The following RANBP9 variants were observed in gnomAD, a reference collection of about 807,000 sequenced individuals.
The protein encoded by RANBP9 is RAN binding protein 9.
A neutral mutation model predicts 84.3 loss-of-function variants in RANBP9; 15 were observed. The ratio of observed to expected loss-of-function variants is 0.18; its 90% CI spans 0.12 to 0.27. The LOEUF (loss-of-function observed/expected upper bound fraction) is 0.27. Ranked by LOEUF, RANBP9 falls within the 10% of genes least tolerant of loss-of-function variation. RANBP9 has a pLI of 1.00. For synonymous variants in RANBP9, 392 were observed against 349.6 expected, an observed-to-expected ratio of 1.12 and a Z score of -1.35; for missense variants, 809 against 912.8, an observed-to-expected ratio of 0.89 and a Z score of 1.46.
intron 2 of RANBP9, among the ~76,000 whole-genome samples, chr6:13,679,670 G>A (rs1765983518): frequency 1.3e-5 from 2 of 151,968 alleles, no homozygotes; most frequent in South Asian, 4.1e-4. Context: ...ATCCCTATAA[G>A]ATTAATAAAT....
chr6:13,641,908 T>G (rs1225007008), intron 7 of RANBP9, among the ~76,000 whole-genome samples: 1 of 152,188 alleles, frequency 6.6e-6, no homozygotes, highest in African/African-American at 2.4e-5. Flanking sequence ...CCCATCTATT[T>G]TGTTTTCATC....
At chr6:13,689,112 G>A (rs1766265580) in intron 2 of RANBP9, among the ~76,000 whole-genome samples, 1 of 151,670 alleles carries the variant, frequency 6.6e-6, no homozygotes. Flanking sequence ...AGCCTTGATT[G>A]TGCCACTGTA....
intron 7 of RANBP9, among the ~76,000 whole-genome samples, chr6:13,641,725 C>T (rs1223742730): frequency 6.6e-6 from 1 of 152,050 alleles, no homozygotes; most frequent in East Asian, 1.9e-4. Flanking sequence ...TTCACTTGAT[C>T]TGTTATATGT....
chr6:13,703,163 C>G (rs1043786010), intron 1 of RANBP9, among the ~76,000 whole-genome samples: 1 of 152,184 alleles, frequency 6.6e-6, no homozygotes, highest in African/African-American at 2.4e-5. Context: ...CAGGTGTGAG[C>G]CACTGCACCC....
chr6:13,634,999 G>A (rs984762459), intron 10 of RANBP9, among the ~76,000 whole-genome samples: 6 of 151,976 alleles, frequency 3.9e-5, no homozygotes, highest in Non-Finnish European at 8.8e-5. Context: ...CCTGGAACCC[G>A]CTTCACCTCG....
Position 13,711,242 on chromosome 6 carries a change from G to T in RANBP9, c.264C>A (p.Pro88=). Residue 88 remains proline (P), a synonymous_variant, in exon 1 of 14, where the codon CCC becomes CCA. Coordinates refer to ENST00000011619, the MANE Select transcript of RANBP9 (RefSeq NM_005493.3). The stretch of plus-strand genomic sequence containing the variant: ...CAGCCGCTGAGGCAGGGGGAGGCGG[G>T]GGCGGCGGCGGGGGCGGCGGGGCCG... ...ATAAPPPPPP[P]PPPPASAAAP... The T allele has an allele frequency of 1.0e-6, 1 of 983,148 alleles. No homozygotes were observed. Among genetic ancestry groups the T allele is most frequent in the South Asian group, 4.6e-5 (1 of 21,934 alleles). The allele number at this position is 983,148 out of a possible 1,614,324, so 60.9% of individuals were successfully genotyped here. A position where few individuals can be genotyped will look rare whatever the true frequency, so the allele number is the denominator to read the frequency against.
chr6:13,636,632 TACTTA>T (rs1423296474), intron 10 of RANBP9, among the ~76,000 whole-genome samples: 2 of 152,352 alleles, frequency 1.3e-5, no homozygotes, highest in African/African-American at 2.4e-5. Context: ...CATGATGAAG[TACTTA>T]ACTTTTTACA....
intron 5 of RANBP9, 67 bp downstream of exon 5, chr6:13,652,592 C>A: frequency 7.3e-7 from 1 of 1,364,042 alleles, no homozygotes; most frequent in South Asian, 1.3e-5. Flanking sequence ...TCTAAATATG[C>A]CCAGTATCAG....
chr6:13,694,686 T>C (rs1766401031), intron 2 of RANBP9, among the ~76,000 whole-genome samples: 1 of 152,218 alleles, frequency 6.6e-6, no homozygotes, highest in Non-Finnish European at 1.5e-5. Flanking sequence ...TTAAACTGCA[T>C]GCCATTCTGA....
chr6:13,648,527 A>G (rs1210484212), intron 5 of RANBP9, among the ~76,000 whole-genome samples: 1 of 152,200 alleles, frequency 6.6e-6, no homozygotes, highest in African/African-American at 2.4e-5. Flanking sequence ...AATGTCTTCT[A>G]GAAAAATACT....
chr6:13,663,359 C>G (rs940506121), intron 2 of RANBP9, among the ~76,000 whole-genome samples: 1 of 151,956 alleles, frequency 6.6e-6, no homozygotes, highest in African/African-American at 2.4e-5. Context: ...AAAAGTGAAA[C>G]AAACACATTT....
At chr6:13,624,056 GTTACTT>G (rs1764532473) in intron 13 of RANBP9, among the ~76,000 whole-genome samples, 2 of 152,092 alleles carry the variant, frequency 1.3e-5, no homozygotes, top group African/African-American at 2.4e-5. Context: ...TTATTACTAA[GTTACTT>G]TTACCAACGG....
chr6:13,637,909 T>C lies in RANBP9; in HGVS notation c.1572A>G (p.Gln524=), dbSNP rs1458803850. The C allele has an allele frequency of 4.3e-6, 7 of 1,609,880 alleles. No homozygotes were observed. In the Middle Eastern group the frequency reaches 5.0e-4, roughly 114 times the overall value. The change falls in exon 10 of 14, where the codon CAA becomes CAG. Residue 524 remains glutamine (Q), a synonymous_variant. Transcript: ENST00000011619. ...GGTGTTTATTACTATGGCAATATGA[T>C]TGATGTGCTTTATTTGATATTACAC... The part of the protein sequence containing the change: ...SNGVISNKAH[Q]SYCHSNKHQS...
intron 1 of RANBP9, among the ~76,000 whole-genome samples, chr6:13,704,373 A>T (rs904246709): frequency 3.3e-5 from 5 of 152,198 alleles, no homozygotes; most frequent in Non-Finnish European, 4.4e-5. Context: ...CCTGCCTGTA[A>T]TCCTAGCACT....
chr6:13,707,604 AT>A (rs756749617), intron 1 of RANBP9, among the ~76,000 whole-genome samples: 1 of 152,138 alleles, frequency 6.6e-6, no homozygotes, highest in African/African-American at 2.4e-5. Context: ...GTTAGTGAAA[AT>A]TTTCAATCCT....
intron 2 of RANBP9, among the ~76,000 whole-genome samples, chr6:13,674,514 C>G (rs1468677367): frequency 6.6e-6 from 1 of 152,164 alleles, no homozygotes; most frequent in African/African-American, 2.4e-5. Flanking sequence ...GTACTGGAGG[C>G]TATATGTGCA....
intron 5 of RANBP9, among the ~76,000 whole-genome samples, chr6:13,651,285 C>G (rs146117784): frequency 6.6e-6 from 1 of 152,086 alleles, no homozygotes; most frequent in African/African-American, 2.4e-5. Flanking sequence ...AAACCTCTAC[C>G]GAAGAGAGTT....
chr6:13,689,113 T>A (rs1302309503), intron 2 of RANBP9, among the ~76,000 whole-genome samples: 2 of 151,578 alleles, frequency 1.3e-5, no homozygotes, highest in Non-Finnish European at 2.9e-5. Context: ...GCCTTGATTG[T>A]GCCACTGTAC....
chr6:13,668,863 A>G (rs1168562794), intron 2 of RANBP9, among the ~76,000 whole-genome samples: 1 of 152,140 alleles, frequency 6.6e-6, no homozygotes, highest in African/African-American at 2.4e-5. Context: ...TCTATTCAAC[A>G]TAGTACTGAA....
Sources: gnomAD v4.1 joint callset for allele counts (sites outside exome capture counted in the v4.1 genomes callset) on GRCh38, gnomAD v4.1.1 for gene constraint, MANE v1.5 for transcripts, NCBI Gene and HGNC (gene_info 2026-07-23, HGNC 2026-07-21) for gene names.